Variants in PARD3B observed in about 807,000 individuals in gnomAD.
PARD3B encodes par-3 family cell polarity regulator beta.
A neutral mutation model predicts 130.2 loss-of-function variants in PARD3B; 103 were observed. The ratio of observed to expected loss-of-function variants is 0.79; its 90% CI spans 0.67 to 0.93. PARD3B has a LOEUF of 0.93. Ranked by LOEUF, PARD3B falls within the 40% of genes least tolerant of loss-of-function variation. PARD3B has a pLI of 0.00. For missense variants in PARD3B, 1,609 were observed against 1,499.2 expected (o/e 1.07, Z -1.21); for synonymous variants, 583 against 553.2 (o/e 1.05, Z -0.76).
rs2048345555 is a variant in PARD3B at position 205,458,466 on chromosome 2, T to C, written c.3044+17794T>C. ...TCTCTGTCTTCTGATTTACTACTCT[T>C]GCCTGTGTGCTGTGTCCAGTCTTCT... On this transcript the variant is annotated intron_variant, in intron 20 of 22. Coordinates refer to ENST00000406610, the MANE Select transcript of PARD3B (RefSeq NM_001302769.2). This position sits in a 1 kb window ranked among gnomAD's most constrained non-coding sequence, Gnocchi z 4.8. Among the ~76,000 whole-genome samples the C allele has an allele frequency of 6.6e-6, 1 of 152,192 alleles. No individual in the cohort carries two copies. The highest frequency in any genetic ancestry group is 2.4e-5 in the African/African-American group (1 of 41,458).
At chr2:204,854,791 G>A (rs755285357) in intron 2 of PARD3B, among the ~76,000 whole-genome samples, 1 of 152,134 alleles carries the variant, frequency 6.6e-6, no homozygotes, top group Non-Finnish European at 1.5e-5. Context: ...AAGCAGCTGT[G>A]TTGTCTGGGA....
chr2:204,861,906 T>G (rs1217544036), intron 2 of PARD3B, among the ~76,000 whole-genome samples: 1 of 91,838 alleles, frequency 1.1e-5, no homozygotes, highest in African/African-American at 6.4e-5. Flanking sequence ...GTTAAGACAT[T>G]TAAAAGAAGA....
intron 2 of PARD3B, among the ~76,000 whole-genome samples, chr2:204,688,346 A>C (rs2037186193): frequency 6.6e-6 from 1 of 152,012 alleles, no homozygotes; most frequent in African/African-American, 2.4e-5. Context: ...TTGGGAGGCT[A>C]AGGTGGGTGG....
intron 15 of PARD3B, among the ~76,000 whole-genome samples, chr2:205,216,504 A>G (rs2037918903): frequency 6.6e-6 from 1 of 152,204 alleles, no homozygotes; most frequent in African/African-American, 2.4e-5. Flanking sequence ...TGTATTACAC[A>G]TATAATAAAA....
intron 22 of PARD3B, among the ~76,000 whole-genome samples, chr2:205,554,788 T>C (rs1461604742): frequency 1.3e-5 from 2 of 152,224 alleles, no homozygotes; most frequent in African/African-American, 4.8e-5. Context: ...GCATAGTCTT[T>C]ACATTGTACT....
intron 4 of PARD3B, among the ~76,000 whole-genome samples, chr2:205,098,358 T>C (rs575430904): frequency 1.6e-4 from 24 of 152,128 alleles, no homozygotes; most frequent in Admixed American, 4.6e-4. Flanking sequence ...CTAAAATTCA[T>C]TGAGGGGGAA....
At position 204,964,153 on chromosome 2, in the gene PARD3B, G is replaced by T. The variant is rs528413866; in HGVS notation, c.223-999G>T. ...GAAAATATCTAAAGATGTACTGCTG[G>T]TTTTCACATTTACACACATTGCACT... On this transcript the variant is annotated intron_variant, in intron 2 of 22. Coordinates refer to ENST00000406610, the MANE Select transcript of PARD3B (RefSeq NM_001302769.2). 8.5e-5 allele frequency among the ~76,000 whole-genome samples: 13 copies of T among 152,294 alleles called. No homozygotes were observed. The South Asian group carries it at 1.5e-3, about 17-fold the overall frequency.
chr2:205,264,382 C>T (rs1260734669), intron 16 of PARD3B, among the ~76,000 whole-genome samples: 2 of 151,124 alleles, frequency 1.3e-5, no homozygotes, highest in East Asian at 3.9e-4. Context: ...CTCATTTTTG[C>T]TATTATCATG....
In PARD3B at chr2:205,325,229, A is replaced by C. The variant is rs1348968749; in HGVS notation, c.2630+23528A>C. On this transcript the variant is annotated intron_variant, in intron 18 of 22. Coordinates refer to ENST00000406610, the MANE Select transcript of PARD3B (RefSeq NM_001302769.2). The surrounding 1 kb of genome is among the most constrained non-coding windows in gnomAD (Gnocchi z 4.1). ...GGTTTCACAGTTTCTTGAAGAGCTT[A>C]GATTTCTGAGGTGTTATACAATGTT... Among the ~76,000 whole-genome samples, 1 of 152,190 alleles carries C rather than the reference A, an allele frequency of 6.6e-6. No homozygotes were observed. Among genetic ancestry groups the C allele is most frequent in the Admixed American group, 6.5e-5 (1 of 15,272 alleles).
chr2:204,593,244 A>G lies in PARD3B; in HGVS notation c.120+47125A>G, dbSNP rs200980782. Among the ~76,000 whole-genome samples the G allele has an allele frequency of 6.6e-5, 10 of 152,314 alleles. No individual in the cohort carries two copies. In the East Asian group the frequency reaches 1.7e-3, roughly 27 times the overall value. Reference sequence around the variant, plus strand: ...CTTGCACAAAATCCAATCAAACACCATAGACCTCTAGGATCTAAGCATCCT... The same window carrying G: ...CTTGCACAAAATCCAATCAAACACCGTAGACCTCTAGGATCTAAGCATCCT... On this transcript the variant is annotated intron_variant, in intron 1 of 22. Transcript: ENST00000406610.
At chr2:205,127,053 A>T (rs952858527) in intron 10 of PARD3B, among the ~76,000 whole-genome samples, 6 of 152,004 alleles carry the variant, frequency 3.9e-5, no homozygotes, top group Admixed American at 2.0e-4. Flanking sequence ...TAATCCCAGC[A>T]CTTTGGGAGG....
rs1436285134 is a variant in PARD3B, at chr2:205,499,653, T to C, written c.3045-243T>C. On this transcript the variant is annotated intron_variant, in intron 20 of 22. Coordinates refer to ENST00000406610, the MANE Select transcript of PARD3B (RefSeq NM_001302769.2). Reference sequence around the variant, plus strand: ...TAAAAGGTAAAGACTCTATCTTACCTTCTCATTCAAAAGGCATTTATTCAT... The same window carrying C: ...TAAAAGGTAAAGACTCTATCTTACCCTCTCATTCAAAAGGCATTTATTCAT... 2.6e-5 allele frequency among the ~76,000 whole-genome samples: 4 copies of C among 152,332 alleles called. 1 individual carries two copies. Among genetic ancestry groups the C allele is most frequent in the African/African-American group, 4.8e-5 (2 of 41,588 alleles).
chr2:205,285,706 G>A (rs917322621), intron 16 of PARD3B, among the ~76,000 whole-genome samples: 2 of 152,088 alleles, frequency 1.3e-5, no homozygotes, highest in African/African-American at 4.8e-5. Flanking sequence ...CATATTCCAA[G>A]GATCTATTTC....
At chr2:204,638,198 A>G (rs771961485) in intron 1 of PARD3B, among the ~76,000 whole-genome samples, 17 of 152,174 alleles carry the variant, frequency 1.1e-4, no homozygotes, top group Non-Finnish European at 1.8e-4. Flanking sequence ...TTTACTGAAG[A>G]TGTTGTAACC....
chr2:205,522,808 C>G (rs1438364005), intron 21 of PARD3B, among the ~76,000 whole-genome samples: 1 of 152,028 alleles, frequency 6.6e-6, no homozygotes, highest in Non-Finnish European at 1.5e-5. Flanking sequence ...TAAATGTAAA[C>G]TTTTCCATTA....
chr2:205,213,437 C>T (rs2037749589), intron 15 of PARD3B, among the ~76,000 whole-genome samples: 1 of 152,138 alleles, frequency 6.6e-6, no homozygotes, highest in Non-Finnish European at 1.5e-5. Context: ...CACCACTTAG[C>T]ATGTGTAGGT....
rs552727612 is a variant in PARD3B at position 205,461,462 on chromosome 2, A to C, written c.3044+20790A>C. On this transcript the variant is annotated intron_variant, in intron 20 of 22. Transcript: ENST00000406610. The surrounding 1 kb of genome is among the most constrained non-coding windows in gnomAD (Gnocchi z 4.3). ...TTCCCTAGCACGGACTGCCATGTAG[A>C]AAAGGTCCCCTATTATTTCAGCACC... 6.6e-6 allele frequency among the ~76,000 whole-genome samples: 1 copy of C among 152,292 alleles called. No homozygotes were observed. Among genetic ancestry groups the C allele is most frequent in the South Asian group, 2.1e-4 (1 of 4,826 alleles).
intron 20 of PARD3B, among the ~76,000 whole-genome samples, chr2:205,483,877 G>A (rs2049337203): frequency 6.6e-6 from 1 of 152,168 alleles, no homozygotes; most frequent in South Asian, 2.1e-4. Context: ...TTGGAAAAGA[G>A]ATTATTTGTT....
In PARD3B at chr2:205,344,800, C is replaced by T. The variant is rs932224052; in HGVS notation, c.2630+43099C>T. Among the ~76,000 whole-genome samples the T allele has an allele frequency of 8.5e-5, 13 of 152,096 alleles. 1 individual carries two copies. Among genetic ancestry groups the T allele is most frequent in the African/African-American group, 2.7e-4 (11 of 41,476 alleles). On this transcript the variant is annotated intron_variant, in intron 18 of 22. Coordinates refer to ENST00000406610, the MANE Select transcript of PARD3B (RefSeq NM_001302769.2). ...GCTAATTGGACTATATGTGAAATTGCGTGGGTATAGCGGGGGTAGAATGCC... is the reference window on the plus strand; with the variant it reads ...GCTAATTGGACTATATGTGAAATTGTGTGGGTATAGCGGGGGTAGAATGCC...
Sources: gnomAD v4.1 joint callset for allele counts (sites outside exome capture counted in the v4.1 genomes callset) on GRCh38, gnomAD v4.1.1 for gene constraint, Gnocchi (gnomAD v3.1) non-coding constraint, MANE v1.5 for transcripts, NCBI Gene and HGNC (gene_info 2026-07-23, HGNC 2026-07-21) for gene names.